The following MRPL13 variants were observed in gnomAD, a reference collection of about 807,000 sequenced individuals.
MRPL13 encodes the protein mitochondrial ribosomal protein L13.
MRPL13 carries 33 observed loss-of-function variants against 29.0 expected under a neutral mutation model. The observed-to-expected ratio is 1.14, with a 90% CI of 0.86 to 1.52. The LOEUF (loss-of-function observed/expected upper bound fraction) is 1.52. MRPL13 is among the 40% of genes most tolerant of loss of function. MRPL13 has a pLI of 0.00. For missense variants in MRPL13, 227 were observed against 216.7 expected, an observed-to-expected ratio of 1.05 and a Z score of -0.30; for synonymous variants, 77 against 68.4, an observed-to-expected ratio of 1.13 and a Z score of -0.62.
At chr8:120,397,988 T>C (rs1812543327) in intron 6 of MRPL13, among the ~76,000 whole-genome samples, 1 of 152,164 alleles carries the variant, frequency 6.6e-6, no homozygotes, top group Admixed American at 6.5e-5. Flanking sequence ...AGATCTCTGA[T>C]CCCTCCCAGG....
chr8:120,404,084 T>C (rs1037786604), intron 6 of MRPL13, among the ~76,000 whole-genome samples: 2 of 152,228 alleles, frequency 1.3e-5, no homozygotes, highest in African/African-American at 4.8e-5. Context: ...ATATACCCTT[T>C]TCTCCTTTGG....
At chr8:120,409,744 AGAAGTGAGAT>A (rs1465007588) in intron 6 of MRPL13, among the ~76,000 whole-genome samples, 1 of 152,182 alleles carries the variant, frequency 6.6e-6, no homozygotes, top group African/African-American at 2.4e-5. Context: ...CACTAACTTA[AGAAGTGAGAT>A]GAATGGGCAA....
Position 120,432,038 on chromosome 8 carries a change from C to A in MRPL13, c.237G>T (p.Ser79=), listed in dbSNP as rs140558478. 3 of 1,598,382 alleles carry A rather than the reference C, an allele frequency of 1.9e-6. No individual in the cohort carries two copies. The highest frequency in any genetic ancestry group is 1.3e-5 in the African/African-American group (1 of 74,192). Reference sequence around the variant, plus strand: ...CAACAGCATTATCTTACCCAGTATGCGAAGAGTATACTTTTTGTTCCCATT... The same window carrying A: ...CAACAGCATTATCTTACCCAGTATGAGAAGAGTATACTTTTTGTTCCCATT... ...GNKWEQKVYS[S]HTGYPGGFRQ... is the part of the protein sequence containing the mutation. Residue 79 remains serine (S), a synonymous_variant, in exon 3 of 7, where the codon TCG becomes TCT. Coordinates refer to ENST00000306185, the MANE Select transcript of MRPL13 (RefSeq NM_014078.6).
At chr8:120,417,687 T>C (rs1812820968) in intron 5 of MRPL13, among the ~76,000 whole-genome samples, 2 of 152,280 alleles carry the variant, frequency 1.3e-5, no homozygotes, top group South Asian at 4.1e-4. Flanking sequence ...TCCCTTGATA[T>C]TGCTCCATTA....
chr8:120,409,374 A>G (rs895077680), intron 6 of MRPL13, among the ~76,000 whole-genome samples: 1 of 152,180 alleles, frequency 6.6e-6, no homozygotes, highest in Non-Finnish European at 1.5e-5. Context: ...TTATTTGTAG[A>G]CTACATTTTG....
At chr8:120,412,974 TGAG>T (rs1469191493) in intron 6 of MRPL13, among the ~76,000 whole-genome samples, 1 of 152,244 alleles carries the variant, frequency 6.6e-6, no homozygotes, top group East Asian at 1.9e-4. Context: ...TAGATTGCTC[TGAG>T]GATTAGTAGA....
At chr8:120,416,259 C>A (rs1014166875) in intron 5 of MRPL13, among the ~76,000 whole-genome samples, 1 of 152,132 alleles carries the variant, frequency 6.6e-6, no homozygotes, top group African/African-American at 2.4e-5. Flanking sequence ...CTTTGGGAGG[C>A]AGAGGCGGGT....
chr8:120,438,545 T>C (rs543045124), intron 2 of MRPL13, among the ~76,000 whole-genome samples: 1 of 152,328 alleles, frequency 6.6e-6, no homozygotes, highest in South Asian at 2.1e-4. Context: ...TATTTGGAGA[T>C]GGAAATTAGG....
intron 5 of MRPL13, among the ~76,000 whole-genome samples, chr8:120,418,641 A>T (rs986407202): frequency 6.6e-6 from 1 of 152,112 alleles, no homozygotes; most frequent in African/African-American, 2.4e-5. Context: ...AATACTTAAA[A>T]TATCTACACT....
intron 4 of MRPL13, 28 bp from the exon 5 acceptor site, chr8:120,419,966 G>T: frequency 7.0e-7 from 1 of 1,428,656 alleles, no homozygotes. Context: ...GACACAATAA[G>T]AAAATTGTGA....
intron 2 of MRPL13, among the ~76,000 whole-genome samples, chr8:120,440,620 A>AAAG (rs1813109075): frequency 6.6e-6 from 1 of 151,934 alleles, no homozygotes; most frequent in African/African-American, 2.4e-5. Flanking sequence ...AAAAAAAAAA[A>AAAG]AAGGCATAAG....
intron 6 of MRPL13, among the ~76,000 whole-genome samples, chr8:120,405,958 T>C (rs897903461): frequency 1.3e-5 from 2 of 152,230 alleles, no homozygotes; most frequent in Admixed American, 6.5e-5. Context: ...AGAGGGATGA[T>C]AGGTGAATGT....
chr8:120,439,144 A>G (rs373425568), intron 2 of MRPL13, among the ~76,000 whole-genome samples: 3 of 152,250 alleles, frequency 2.0e-5, no homozygotes, highest in African/African-American at 7.2e-5. Flanking sequence ...CTTGACGCAC[A>G]TGTTCCCAGC....
chr8:120,401,110 T>TA (rs1215884564), intron 6 of MRPL13, among the ~76,000 whole-genome samples: 1 of 152,036 alleles, frequency 6.6e-6, no homozygotes, highest in African/African-American at 2.4e-5. Context: ...GAAACTATTC[T>TA]AAAAAATTCA....
rs556970603 is a variant in MRPL13 at position 120,436,857 on chromosome 8, G to GT, written c.152-4735dup. On this transcript the variant is annotated intron_variant, in intron 2 of 6. Coordinates refer to ENST00000306185, the MANE Select transcript of MRPL13 (RefSeq NM_014078.6). ...AACAAAGTTTGGCTTTGGCCTTTAT[G>GT]TTTGTTTCTAAGTTTGGAAGGACAA... 1.9e-4 allele frequency among the ~76,000 whole-genome samples: 29 copies of GT among 152,252 alleles called. 1 individual carries two copies. The East Asian group carries it at 5.0e-3, about 26-fold the overall frequency.
intron 6 of MRPL13, among the ~76,000 whole-genome samples, chr8:120,411,652 G>T (rs537970734): frequency 1.1e-4 from 16 of 152,180 alleles, no homozygotes; most frequent in African/African-American, 3.4e-4. Context: ...TAACATATGC[G>T]TGTGACTATT....
chr8:120,413,558 A>AGGAG (rs1812766080), intron 6 of MRPL13, among the ~76,000 whole-genome samples: 2 of 152,210 alleles, frequency 1.3e-5, no homozygotes, highest in South Asian at 4.1e-4. Flanking sequence ...AACTGTACAG[A>AGGAG]GGAGAGCAAA....
intron 5 of MRPL13, among the ~76,000 whole-genome samples, chr8:120,417,620 G>A (rs1812820179): frequency 6.6e-6 from 1 of 151,878 alleles, no homozygotes; most frequent in Non-Finnish European, 1.5e-5. Flanking sequence ...CATGTGTTTT[G>A]AGGCTCACAC....
At chr8:120,436,813 T>G (rs1813059695) in intron 2 of MRPL13, among the ~76,000 whole-genome samples, 1 of 152,212 alleles carries the variant, frequency 6.6e-6, no homozygotes, top group Non-Finnish European at 1.5e-5. Context: ...AAAATAGCTA[T>G]TCTGAATTAG....
Sources: allele counts gnomAD v4.1 joint callset (sites outside exome capture counted in the v4.1 genomes callset), GRCh38; gene constraint gnomAD v4.1.1; transcripts MANE v1.5; gene names NCBI Gene and HGNC (gene_info 2026-07-23, HGNC 2026-07-21).